Variants in MID1 observed in about 807,000 individuals in gnomAD.
MID1 encodes E3 ubiquitin-protein ligase Midline-1.
In MID1, 7 loss-of-function variants were observed where a neutral mutation model predicts 40.4. The observed-to-expected ratio is 0.17, with a 90% CI of 0.10 to 0.33. MID1 has a LOEUF of 0.33. Among genes scored for constraint, MID1 ranks in the 10% least tolerant of loss-of-function variants. MID1 has a pLI of 1.00. For synonymous variants in MID1, 229 were observed against 221.2 expected (o/e 1.04, Z -0.31); for missense variants, 367 against 558.5 (o/e 0.66, Z 3.46).
At chrX:10,818,438 A>G (rs1409088870) in intron 1 of MID1, among the ~76,000 whole-genome samples, 1 of 112,787 alleles carries the variant, frequency 8.9e-6, no homozygotes, top group Non-Finnish European at 1.9e-5. Flanking sequence ...GTAAATGTCT[A>G]CCTTCAACTC....
intron 1 of MID1, among the ~76,000 whole-genome samples, chrX:10,780,569 A>T (rs1327456624): frequency 8.9e-6 from 1 of 112,262 alleles, no homozygotes; most frequent in African/African-American, 3.2e-5. Context: ...GAGTTAAGCT[A>T]AACTAATTGT....
Position 10,592,274 on chromosome X carries a change from T to TAAAA in MID1, c.-56-24675_-56-24672dup, listed in dbSNP as rs144661774. Among the ~76,000 whole-genome samples the TAAAA allele has an allele frequency of 7.1e-4, 20 of 28,255 alleles. 1 individual carries two copies. Among genetic ancestry groups the TAAAA allele is most frequent in the African/African-American group, 2.6e-3 (19 of 7,174 alleles). 24.5% of individuals were successfully genotyped at this position (28,255 alleles called of 115,157 possible). On this transcript the variant is annotated intron_variant, in intron 1 of 9. Coordinates refer to ENST00000317552, the MANE Select transcript of MID1 (RefSeq NM_000381.4). ...AAAATTTCCTGCTTAGGGACTGCGT[T>TAAAA]AAAAAAAAAAAAAAAAAAAAAAAAA...
intron 1 of MID1, among the ~76,000 whole-genome samples, chrX:10,605,790 G>C (rs899836621): frequency 9.0e-6 from 1 of 111,408 alleles, no homozygotes; most frequent in African/African-American, 3.3e-5. Context: ...CTTCCAAGAG[G>C]CTTTGCTGTA....
chrX:10,687,745 G>T (rs1490686505), intron 1 of MID1, among the ~76,000 whole-genome samples: 1 of 111,916 alleles, frequency 8.9e-6, no homozygotes, highest in Non-Finnish European at 1.9e-5. Context: ...ACAGGGTCTT[G>T]TTCTGTCACC....
intron 2 of MID1, among the ~76,000 whole-genome samples, chrX:10,565,804 GT>G (rs1934506396): frequency 9.9e-6 from 1 of 101,504 alleles, no homozygotes; most frequent in Admixed American, 1.0e-4. Context: ...TACTTAGAGA[GT>G]GATTTTTTTT....
intron 5 of MID1, 128 bp from the exon 6 acceptor site, chrX:10,474,878 G>A (rs766271605): frequency 4.8e-6 from 3 of 629,592 alleles, no homozygotes; most frequent in Non-Finnish European, 7.7e-6. Context: ...AGTTTTAAGA[G>A]GCATCTCAAA....
intron 8 of MID1, among the ~76,000 whole-genome samples, chrX:10,458,686 C>T (rs1342924498): frequency 8.9e-6 from 1 of 111,784 alleles, no homozygotes; most frequent in South Asian, 3.7e-4. Context: ...ACAGTCTTCT[C>T]ATTCGTAATT....
chrX:10,715,268 C>CA (rs745746228), intron 1 of MID1, among the ~76,000 whole-genome samples: 1 of 112,401 alleles, frequency 8.9e-6, no homozygotes, highest in East Asian at 2.8e-4. Flanking sequence ...CCGGGAAGCG[C>CA]AAGGGGTTGG....
intron 1 of MID1, among the ~76,000 whole-genome samples, chrX:10,732,728 A>C (rs2043458394): frequency 8.9e-6 from 1 of 112,251 alleles, no homozygotes; most frequent in South Asian, 3.7e-4. Flanking sequence ...CTCTATTTAA[A>C]AACTAACTAT....
intron 1 of MID1, among the ~76,000 whole-genome samples, chrX:10,777,449 G>A (rs1421686899): frequency 9.1e-6 from 1 of 109,672 alleles, no homozygotes; most frequent in Non-Finnish European, 1.9e-5. Flanking sequence ...CGCCCGCCTC[G>A]GCCTCCCAAA....
At chrX:10,461,144 C>T (rs1349434802) in intron 7 of MID1, among the ~76,000 whole-genome samples, 1 of 105,278 alleles carries the variant, frequency 9.5e-6, no homozygotes, top group African/African-American at 3.5e-5. Flanking sequence ...AAGATACACA[C>T]ACACACACAC....
chrX:10,642,840 A>G (rs1167070834), intron 1 of MID1, among the ~76,000 whole-genome samples: 1 of 110,451 alleles, frequency 9.1e-6, no homozygotes, highest in Non-Finnish European at 1.9e-5. Context: ...AACAGAACAG[A>G]GCCCTCAGAA....
At chrX:10,574,618 A>G (rs1347686001) in intron 1 of MID1, among the ~76,000 whole-genome samples, 1 of 112,155 alleles carries the variant, frequency 8.9e-6, no homozygotes, top group African/African-American at 3.2e-5. Context: ...CCACCTCTCA[A>G]TGCTTTCCTA....
At chrX:10,742,878 A>C (rs2043533035) in intron 1 of MID1, among the ~76,000 whole-genome samples, 1 of 112,508 alleles carries the variant, frequency 8.9e-6, no homozygotes, top group Non-Finnish European at 1.9e-5. Flanking sequence ...GGGGCATTCA[A>C]ACCAATGAGA....
chrX:10,604,274 T>C (rs754361884), intron 1 of MID1, among the ~76,000 whole-genome samples: 178 of 111,747 alleles, frequency 1.6e-3, no homozygotes, highest in Non-Finnish European at 2.6e-3. Context: ...ATATAGATTC[T>C]TCAAAAGTAT....
chrX:10,676,853 G>A (rs1236320835), intron 1 of MID1, among the ~76,000 whole-genome samples: 1 of 111,300 alleles, frequency 9.0e-6, no homozygotes, highest in East Asian at 2.8e-4. Flanking sequence ...AGGTCATGGC[G>A]AGGCACGGAG....
At chrX:10,807,530 T>C (rs2044056601) in intron 1 of MID1, among the ~76,000 whole-genome samples, 1 of 111,532 alleles carries the variant, frequency 9.0e-6, no homozygotes, top group Non-Finnish European at 1.9e-5. Flanking sequence ...ATTTAGCTCC[T>C]TGAGTTGTAG....
intron 3 of MID1, among the ~76,000 whole-genome samples, chrX:10,511,149 A>T (rs1932130674): frequency 9.4e-6 from 1 of 106,948 alleles, no homozygotes; most frequent in Non-Finnish European, 1.9e-5. Flanking sequence ...GGAGGCTGAG[A>T]CAGGAGAATC....
In MID1 at chrX:10,459,649, T is replaced by C; in HGVS notation, c.1444A>G (p.Asn482Asp). ...RSSEPGKLKTNSQPFKLDPKS... is the reference protein window; with the variant it reads ...RSSEPGKLKTDSQPFKLDPKS... ...CTGTTGAGTTCACAGCACTTACTGT[T>C]TGTCTTCAACTTCCCAGGCTCACTG... Residue 482 changes from asparagine to aspartate, a missense_variant, in exon 8 of 10, where the codon AAC becomes GAC. Coordinates refer to ENST00000317552, the MANE Select transcript of MID1 (RefSeq NM_000381.4). 1 of 1,210,747 alleles carries C rather than the reference T, an allele frequency of 8.3e-7. No individual in the cohort carries two copies. Among genetic ancestry groups the C allele is most frequent in the Non-Finnish European group, 1.1e-6 (1 of 895,164 alleles).
Sources: allele counts gnomAD v4.1 joint callset (sites outside exome capture counted in the v4.1 genomes callset), GRCh38; gene constraint gnomAD v4.1.1; transcripts MANE v1.5; gene names NCBI Gene and HGNC (gene_info 2026-07-23, HGNC 2026-07-21).